The following B3GALT5 variants were observed in gnomAD, a reference collection of about 807,000 sequenced individuals.
The protein encoded by B3GALT5 is UDP-Gal:betaGlcNAc beta 1,3-galactosyltransferase, polypeptide 5.
For synonymous variants in B3GALT5, 156 were observed against 158.6 expected (o/e 0.98, Z 0.12); for missense variants, 328 against 396.6 (o/e 0.83, Z 1.47).
At chr21:39,635,700 G>A (rs181730144) in intron 1 of B3GALT5, among the ~76,000 whole-genome samples, 1 of 152,130 alleles carries the variant, frequency 6.6e-6, no homozygotes, top group African/African-American at 2.4e-5. Flanking sequence ...GGCTGGTCTC[G>A]AACTCCTGAC....
intron 2 of B3GALT5, among the ~76,000 whole-genome samples, chr21:39,656,060 G>C (rs1234649161): frequency 6.6e-6 from 1 of 152,174 alleles, no homozygotes; most frequent in African/African-American, 2.4e-5. Flanking sequence ...GCCTAGAGTA[G>C]AATGACCGCA....
At chr21:39,644,845 A>C (rs1178596778) in intron 1 of B3GALT5, among the ~76,000 whole-genome samples, 1 of 147,700 alleles carries the variant, frequency 6.8e-6, no homozygotes, top group Non-Finnish European at 1.5e-5. Context: ...AGACCCCAGC[A>C]CTGGCCTCCC....
chr21:39,639,385 T>C (rs1401683445), intron 1 of B3GALT5, among the ~76,000 whole-genome samples: 2 of 134,046 alleles, frequency 1.5e-5, no homozygotes, highest in African/African-American at 5.7e-5. Flanking sequence ...CTTCCTTCCT[T>C]CCTTCCTTCT....
chr21:39,658,970 A>C (rs1267323576), intron 2 of B3GALT5, among the ~76,000 whole-genome samples: 1 of 152,264 alleles, frequency 6.6e-6, no homozygotes, highest in Non-Finnish European at 1.5e-5. Context: ...GGCTGGGCAC[A>C]GTGGCTTGCC....
intron 1 of B3GALT5, among the ~76,000 whole-genome samples, chr21:39,623,872 A>AT (rs569204914): frequency 1.1e-3 from 162 of 152,154 alleles, no homozygotes; most frequent in African/African-American, 3.7e-3. Flanking sequence ...GTCTTCACAT[A>AT]TTTTTTCCTC....
chr21:39,621,527 T>C (rs2079134190), intron 1 of B3GALT5, among the ~76,000 whole-genome samples: 1 of 152,036 alleles, frequency 6.6e-6, no homozygotes. Flanking sequence ...CCTCTAAATC[T>C]TTCTGGGTTG....
chr21:39,627,044 G>A (rs2079167886), intron 1 of B3GALT5, among the ~76,000 whole-genome samples: 1 of 152,178 alleles, frequency 6.6e-6, no homozygotes, highest in Non-Finnish European at 1.5e-5. Flanking sequence ...TGTTGGTACT[G>A]TGGAGGGGGG....
chr21:39,659,357 C>T (rs570731126), intron 2 of B3GALT5, among the ~76,000 whole-genome samples: 2 of 152,214 alleles, frequency 1.3e-5, no homozygotes, highest in East Asian at 1.9e-4. Context: ...TTTAAAGTGC[C>T]GCTATTGTGT....
chr21:39,639,444 C>T (rs988187790), intron 1 of B3GALT5, among the ~76,000 whole-genome samples: 45 of 122,668 alleles, frequency 3.7e-4, no homozygotes, highest in African/African-American at 1.2e-3. Flanking sequence ...TTCTTTCTTT[C>T]TTTCTTTCTT....
At chr21:39,642,098 C>T (rs1203989313) in intron 1 of B3GALT5, among the ~76,000 whole-genome samples, 1 of 152,208 alleles carries the variant, frequency 6.6e-6, no homozygotes, top group East Asian at 1.9e-4. Flanking sequence ...GGAAAATCTT[C>T]CCTATAACAG....
chr21:39,646,806 A>C (rs1402034705), intron 2 of B3GALT5, among the ~76,000 whole-genome samples, 184 bp downstream of exon 2: 1 of 152,216 alleles, frequency 6.6e-6, no homozygotes, highest in Non-Finnish European at 1.5e-5. Flanking sequence ...AGGAGGGTCA[A>C]GAACTGAAAG....
intron 1 of B3GALT5, among the ~76,000 whole-genome samples, chr21:39,629,274 C>T (rs2079179902): frequency 6.6e-6 from 1 of 152,240 alleles, no homozygotes; most frequent in East Asian, 1.9e-4. Context: ...CTCAGCCCTC[C>T]AAAGTGCTGG....
chr21:39,620,633 A>G (rs1041473550), intron 1 of B3GALT5, among the ~76,000 whole-genome samples: 2 of 152,222 alleles, frequency 1.3e-5, no homozygotes, highest in Admixed American at 1.3e-4. Context: ...TTGCAGGTGC[A>G]TGATTTCCCA....
intron 1 of B3GALT5, among the ~76,000 whole-genome samples, chr21:39,616,174 C>T (rs967710253): frequency 4.6e-5 from 7 of 152,054 alleles, no homozygotes; most frequent in African/African-American, 1.7e-4. Flanking sequence ...ATAGCAAGAC[C>T]CCGTCTCTGA....
intron 1 of B3GALT5, among the ~76,000 whole-genome samples, chr21:39,614,241 T>A (rs1181001383): frequency 1.3e-5 from 2 of 152,232 alleles, no homozygotes; most frequent in Admixed American, 6.5e-5. Flanking sequence ...TTTATATCTT[T>A]TAAGGAATGA....
At chr21:39,630,461 C>G (rs2079185988) in intron 1 of B3GALT5, 1 of 152,210 alleles carries the variant, frequency 6.6e-6, no homozygotes, top group African/African-American at 2.4e-5. Flanking sequence ...CAGTGACTCA[C>G]TCGGAACTGC....
chr21:39,613,365 A>G (rs2079090829), intron 1 of B3GALT5, among the ~76,000 whole-genome samples: 1 of 152,196 alleles, frequency 6.6e-6, no homozygotes, highest in South Asian at 2.1e-4. Context: ...CGGACACAAG[A>G]CTTAGGGAAT....
At chr21:39,638,124 G>A (rs140324011) in intron 1 of B3GALT5, among the ~76,000 whole-genome samples, 117 of 152,290 alleles carry the variant, frequency 7.7e-4, no homozygotes, top group Non-Finnish European at 1.4e-3. Flanking sequence ...TACTGAAGGG[G>A]GAAGGGCGTG....
intron 1 of B3GALT5, among the ~76,000 whole-genome samples, chr21:39,626,805 G>C (rs971409451): frequency 1.5e-5 from 2 of 129,464 alleles, no homozygotes; most frequent in Non-Finnish European, 3.7e-5. Context: ...TTTTGTTGTT[G>C]ACAGACTCCT....
Sources: gnomAD v4.1 joint callset for allele counts (sites outside exome capture counted in the v4.1 genomes callset) on GRCh38, gnomAD v4.1.1 for gene constraint, MANE v1.5 for transcripts, NCBI Gene and HGNC (gene_info 2026-07-23, HGNC 2026-07-21) for gene names.